EMC8: variants seen among roughly 807,000 people sequenced by gnomAD.
EMC8 encodes ER membrane protein complex subunit 8.
EMC8 carries 11 observed loss-of-function variants against 24.3 expected under a neutral mutation model. That is an observed-to-expected ratio of 0.45 (90% CI 0.28 to 0.75). The LOEUF (loss-of-function observed/expected upper bound fraction) is 0.75, where lower values mean the gene tolerates loss of function less well. EMC8 is among the 30% of genes least tolerant of loss of function. The probability of loss-of-function intolerance (pLI) is 0.12; values close to 1 mark genes in which losing one functional copy is unlikely to be tolerated. For synonymous variants in EMC8, 145 were observed against 117.7 expected, an observed-to-expected ratio of 1.23 and a Z score of -1.50; for missense variants, 277 against 282.7, an observed-to-expected ratio of 0.98 and a Z score of 0.14.
At chr16:85,796,846 C>T (rs146824483) in intron 1 of EMC8, among the ~76,000 whole-genome samples, 2 of 152,304 alleles carry the variant, frequency 1.3e-5, no homozygotes, top group East Asian at 1.9e-4. Flanking sequence ...TGACTTCTCT[C>T]GAATCCCTTG....
At chr16:85,780,030 A>G in intron 4 of EMC8, 163 bp from the exon 5 acceptor site, 1 of 628,688 alleles carries the variant, frequency 1.6e-6, no homozygotes. Context: ...TATACAGAGC[A>G]TAGAAGACAT....
In EMC8 at chr16:85,779,515, T is replaced by A. The variant is rs1385116174; in HGVS notation, c.*193A>T. ...TCCACAGGGACAGTCAGACGGGATG[T>A]CTGCACCTCTTCTAGAGACTCTGTG... On this transcript the variant is annotated 3_prime_UTR_variant, in exon 5 of 5. Transcript: ENST00000253457. The A allele has an allele frequency of 3.6e-6, 2 of 558,262 alleles. No homozygotes were observed. Among genetic ancestry groups the A allele is most frequent in the East Asian group, 3.1e-5 (1 of 32,322 alleles). 34.6% of individuals were successfully genotyped at this position (558,262 alleles called of 1,614,324 possible).
chr16:85,789,959 G>A (rs1254960800), intron 1 of EMC8, among the ~76,000 whole-genome samples: 4 of 152,146 alleles, frequency 2.6e-5, no homozygotes, highest in Admixed American at 1.3e-4. Context: ...ATGGAAGCAA[G>A]GTGGCAGACC....
chr16:85,788,820 C>G (rs1904871788), intron 2 of EMC8, 154 bp downstream of exon 2: 1 of 649,494 alleles, frequency 1.5e-6, no homozygotes, highest in East Asian at 2.8e-5. Context: ...TGGAATTATC[C>G]ACACCACAGT....
intron 2 of EMC8, chr16:85,784,367 C>T (rs900695750): frequency 2.5e-4 from 38 of 152,138 alleles, no homozygotes; most frequent in African/African-American, 9.2e-4. Flanking sequence ...ACACTATATA[C>T]AATTACAATC....
intron 2 of EMC8, among the ~76,000 whole-genome samples, chr16:85,783,227 C>T (rs925340939): frequency 3.9e-5 from 6 of 152,112 alleles, no homozygotes; most frequent in South Asian, 2.1e-4. Context: ...CGCTTGAACC[C>T]GGGAGGCGGG....
intron 2 of EMC8, among the ~76,000 whole-genome samples, chr16:85,785,477 G>A (rs1904711455): frequency 1.3e-5 from 2 of 152,154 alleles, no homozygotes; most frequent in Non-Finnish European, 1.5e-5. Context: ...GCCTGAGACA[G>A]CAGAATACTT....
intron 1 of EMC8, among the ~76,000 whole-genome samples, chr16:85,789,598 C>G (rs1310730615): frequency 6.6e-6 from 1 of 151,988 alleles, no homozygotes; most frequent in Non-Finnish European, 1.5e-5. Context: ...TCGAGACAAG[C>G]CTGGCCAATG....
chr16:85,794,868 C>T (rs1370324406), intron 1 of EMC8, among the ~76,000 whole-genome samples: 1 of 152,120 alleles, frequency 6.6e-6, no homozygotes, highest in African/African-American at 2.4e-5. Context: ...GAATGAGGCG[C>T]GGGAGCAAGG....
intron 1 of EMC8, among the ~76,000 whole-genome samples, chr16:85,796,480 G>A (rs1391266386): frequency 2.0e-5 from 3 of 152,134 alleles, no homozygotes; most frequent in Non-Finnish European, 4.4e-5. Context: ...GCAGGCTGGG[G>A]CCATCACTCG....
At chr16:85,789,224 C>G (rs572057331) in intron 1 of EMC8, among the ~76,000 whole-genome samples, 174 bp from the exon 2 acceptor site, 1 of 152,132 alleles carries the variant, frequency 6.6e-6, no homozygotes, top group Non-Finnish European at 1.5e-5. Flanking sequence ...TCAGGAAGGG[C>G]AGGACTTTGA....
chr16:85,780,661 C>T (rs921073786), intron 3 of EMC8, 188 bp from the exon 4 acceptor site: 6 of 589,122 alleles, frequency 1.0e-5, no homozygotes, highest in Admixed American at 5.9e-5. Flanking sequence ...TGCAGGAAAA[C>T]GTCAAGTCCT....
At chr16:85,780,502 G>A (rs756475406) in intron 3 of EMC8, 29 bp from the exon 4 acceptor site, 1 of 1,558,508 alleles carries the variant, frequency 6.4e-7, no homozygotes, top group Non-Finnish European at 8.8e-7. Flanking sequence ...ACACGAGAGT[G>A]AACAGAATGC....
At chr16:85,792,981 C>T (rs566916262) in intron 1 of EMC8, 1 of 152,328 alleles carries the variant, frequency 6.6e-6, no homozygotes, top group African/African-American at 2.4e-5. Flanking sequence ...ATATAGACAC[C>T]TTCCGCATTC....
chr16:85,799,461 G>A lies in EMC8; in HGVS notation c.-166C>T. ...TCAGGCCCGGCCCCGTTTGGGCCTC[G>A]GCTCCTGGAAAAGCGACTCGCGCCT... On this transcript the variant is annotated 5_prime_UTR_variant, in exon 1 of 5. Transcript: ENST00000253457. The surrounding 1 kb of genome is among the most constrained non-coding windows in gnomAD (Gnocchi z 4.2). 2 of 407,926 alleles carry A rather than the reference G, an allele frequency of 4.9e-6. No homozygotes were observed. The highest frequency in any genetic ancestry group is 4.3e-6 in the Non-Finnish European group (1 of 234,508). The allele number at this position is 407,926 out of a possible 1,614,324, so 25.3% of individuals were successfully genotyped here.
chr16:85,780,647 G>A, intron 3 of EMC8, 174 bp from the exon 4 acceptor site: 1 of 596,676 alleles, frequency 1.7e-6, no homozygotes, highest in Non-Finnish European at 3.0e-6. Context: ...AAACTGTTGT[G>A]TCATGCAGGA....
Position 85,789,082 on chromosome 16 carries a change from A to G in EMC8, c.232-32T>C, listed in dbSNP as rs189904972. The G allele has an allele frequency of 3.1e-4, 435 of 1,398,658 alleles. 1 individual carries two copies. Among genetic ancestry groups the G allele is most frequent in the South Asian group, 3.7e-4 (32 of 86,712 alleles). 86.6% of individuals were successfully genotyped at this position (1,398,658 alleles called of 1,614,324 possible). A position where few individuals can be genotyped will look rare whatever the true frequency, so the allele number is the denominator to read the frequency against. On this transcript the variant is annotated intron_variant, in intron 1 of 4. Transcript: ENST00000253457. ...GAGGAACAAAAATTGGGAAAAGATG[A>G]ATGACTCTCCCTTAAATATCAAGTC...
rs1411083569 is a variant in EMC8 at position 85,799,310 on chromosome 16, G to A, written c.-15C>T. 1.3e-6 allele frequency: 2 copies of A among 1,556,952 alleles called. No individual in the cohort carries two copies. The highest frequency in any genetic ancestry group is 1.7e-6 in the Non-Finnish European group (2 of 1,147,916). On this transcript the variant is annotated 5_prime_UTR_variant, in exon 1 of 5. Transcript: ENST00000253457. The surrounding 1 kb of genome is among the most constrained non-coding windows in gnomAD (Gnocchi z 4.2). ...ACCCCGGGCATGCTGACCCGGGAGG[G>A]CCCCGGAGGCCCCTGGGCGCGCGGC...
At chr16:85,790,730 T>A (rs1904968687) in intron 1 of EMC8, among the ~76,000 whole-genome samples, 1 of 152,192 alleles carries the variant, frequency 6.6e-6, no homozygotes, top group African/African-American at 2.4e-5. Flanking sequence ...TCCCTATCCC[T>A]GCTCTCCAGT....
Sources: allele counts gnomAD v4.1 joint callset (sites outside exome capture counted in the v4.1 genomes callset), GRCh38; gene constraint gnomAD v4.1.1; non-coding constraint Gnocchi (gnomAD v3.1); transcripts MANE v1.5; gene names NCBI Gene and HGNC (gene_info 2026-07-23, HGNC 2026-07-21).